ERN1: variants seen among roughly 807,000 people sequenced by gnomAD.
The protein encoded by ERN1 is endoplasmic reticulum to nucleus signaling 1.
Under a neutral mutation model 113.1 loss-of-function variants are expected in ERN1, and 39 were observed. That is an observed-to-expected ratio of 0.34 (90% CI 0.27 to 0.45). The LOEUF is 0.45. Among genes scored for constraint, ERN1 ranks in the 20% least tolerant of loss-of-function variants. ERN1 has a pLI of 1.00. For synonymous variants in ERN1, 507 were observed against 515.9 expected (o/e 0.98, Z 0.23); for missense variants, 976 against 1,274.8 (o/e 0.77, Z 3.57).
chr17:64,088,008 T>C (rs1417859221), intron 2 of ERN1, among the ~76,000 whole-genome samples: 2 of 152,184 alleles, frequency 1.3e-5, no homozygotes, highest in Non-Finnish European at 1.5e-5. Context: ...TAAATAATTG[T>C]TTCAAACCAG....
chr17:64,094,469 T>C (rs1567878130), intron 2 of ERN1, among the ~76,000 whole-genome samples: 2 of 152,210 alleles, frequency 1.3e-5, no homozygotes, highest in Non-Finnish European at 2.9e-5. Context: ...ACTATAAATT[T>C]TGTTTCAGTA....
Position 64,063,930 on chromosome 17 carries a change from C to T in ERN1, c.1087+56G>A. The T allele has an allele frequency of 3.2e-6, 5 of 1,569,192 alleles. No homozygotes were observed. The highest frequency in any genetic ancestry group is 4.4e-6 in the Non-Finnish European group (5 of 1,148,182). ...GTGTAACTACCAGGGCCGGCGGTCG[C>T]CCACCAGGAGGCAGCACGCTGTCAC... On this transcript the variant is annotated intron_variant, in intron 10 of 21. Transcript: ENST00000433197. This position sits in a 1 kb window ranked among gnomAD's most constrained non-coding sequence, Gnocchi z 5.1.
chr17:64,125,982 A>G (rs914227846), intron 1 of ERN1, among the ~76,000 whole-genome samples: 2 of 152,210 alleles, frequency 1.3e-5, no homozygotes, highest in Non-Finnish European at 2.9e-5. Context: ...AGCAAAGATT[A>G]TAAGATATTG....
At chr17:64,052,663 A>C (rs1342153443) in intron 17 of ERN1, 117 bp downstream of exon 17, 19 of 860,094 alleles carry the variant, frequency 2.2e-5, no homozygotes, top group South Asian at 2.1e-5. Context: ...GGTGAAAGGA[A>C]TGCCATTCTC....
At chr17:64,072,656 TC>T (rs1382600024) in intron 5 of ERN1, among the ~76,000 whole-genome samples, 1 of 152,262 alleles carries the variant, frequency 6.6e-6, no homozygotes, top group Non-Finnish European at 1.5e-5. Flanking sequence ...TGTCTCGGCC[TC>T]TGTTCCCAGC....
At chr17:64,118,784 T>C (rs540722807) in intron 1 of ERN1, among the ~76,000 whole-genome samples, 3 of 152,170 alleles carry the variant, frequency 2.0e-5, no homozygotes, top group Non-Finnish European at 4.4e-5. Flanking sequence ...GCACCTGCTA[T>C]AAAAACCCTT....
At chr17:64,122,373 A>G (rs1253754302) in intron 1 of ERN1, among the ~76,000 whole-genome samples, 1 of 152,122 alleles carries the variant, frequency 6.6e-6, no homozygotes, top group Non-Finnish European at 1.5e-5. Context: ...GATGTGCGCC[A>G]TATTTCTTAT....
At chr17:64,074,240 C>T (rs1372932417) in intron 5 of ERN1, among the ~76,000 whole-genome samples, 1 of 152,108 alleles carries the variant, frequency 6.6e-6, no homozygotes, top group African/African-American at 2.4e-5. Context: ...GCCTAAGAGG[C>T]CACAGCACAA....
Position 64,052,865 on chromosome 17 carries a change from T to C in ERN1, c.2168A>G (p.His723Arg). ...CACCCCAGATCGGCGGCTGAAACTG[T>C]GTCTGCCCACTGCCAGCTTCTTGCA... is the stretch of plus-strand genomic sequence containing the variant. ...GLCKKLAVGR[H>R]SFSRRSGVPG... Residue 723 changes from histidine (H) to arginine (R), a missense_variant, in exon 17 of 22, where the codon CAC becomes CGC. This residue lies in a region of ERN1 where 297 missense variants were observed against 457.8 expected (regional missense o/e 0.65). Coordinates refer to ENST00000433197, the MANE Select transcript of ERN1 (RefSeq NM_001433.5). 2 of 1,614,030 alleles carry C rather than the reference T, an allele frequency of 1.2e-6. No homozygotes were observed. The highest frequency in any genetic ancestry group is 1.7e-6 in the Non-Finnish European group (2 of 1,179,894).
At chr17:64,052,537 CA>C (rs5821416) in intron 17 of ERN1, among the ~76,000 whole-genome samples, 137,253 of 144,872 alleles carry the variant, frequency 0.95, 65,232 homozygotes, top group East Asian at 1. Flanking sequence ...ACCAACCAAA[CA>C]AAAAAAAAAA....
intron 4 of ERN1, among the ~76,000 whole-genome samples, chr17:64,079,417 G>T (rs951019501): frequency 6.6e-6 from 1 of 152,144 alleles, no homozygotes; most frequent in African/African-American, 2.4e-5. Flanking sequence ...TGTATGGGCT[G>T]GGCCATGAGA....
chr17:64,098,792 C>T (rs1005925602), intron 1 of ERN1, among the ~76,000 whole-genome samples: 7 of 151,832 alleles, frequency 4.6e-5, no homozygotes, highest in Non-Finnish European at 1.0e-4. Context: ...AAGCATAACC[C>T]CAAACTGGTC....
rs1912412506 is a variant in ERN1 at position 64,043,716 on chromosome 17, C to G, written c.*272G>C. The G allele has an allele frequency of 5.6e-6, 2 of 358,938 alleles. No homozygotes were observed. Among genetic ancestry groups the G allele is most frequent in the Non-Finnish European group, 1.0e-5 (2 of 200,436 alleles). The allele number at this position is 358,938 out of a possible 1,614,324, so 22.2% of individuals were successfully genotyped here. The stretch of plus-strand genomic sequence containing the variant: ...ATCCAGTAGATGGCTGGGGGTGCTA[C>G]TCGCGCTGTCTCTGAGGCCCTCCTT... On this transcript the variant is annotated 3_prime_UTR_variant, in exon 22 of 22. Coordinates refer to ENST00000433197, the MANE Select transcript of ERN1 (RefSeq NM_001433.5).
At chr17:64,076,822 G>C (rs912106290) in intron 4 of ERN1, among the ~76,000 whole-genome samples, 1 of 152,050 alleles carries the variant, frequency 6.6e-6, no homozygotes, top group African/African-American at 2.4e-5. Flanking sequence ...GGATGGTCTC[G>C]ATCTCCTGAC....
intron 7 of ERN1, 180 bp downstream of exon 7, chr17:64,068,010 C>T: frequency 1.8e-6 from 1 of 549,558 alleles, no homozygotes; most frequent in Non-Finnish European, 3.3e-6. Context: ...CAGACTTCAC[C>T]AAGGCCCCTG....
chr17:64,061,852 T>C (rs190815158), intron 10 of ERN1, among the ~76,000 whole-genome samples: 5 of 152,372 alleles, frequency 3.3e-5, no homozygotes, highest in Non-Finnish European at 5.9e-5. Flanking sequence ...AGCAGTGTCC[T>C]GCCCTTCCCA....
At chr17:64,129,905 C>T (rs1208008552) in intron 1 of ERN1, 71 bp downstream of exon 1, 7 of 1,295,318 alleles carry the variant, frequency 5.4e-6, no homozygotes, top group Non-Finnish European at 6.9e-6. Context: ...AGCCCCGGCG[C>T]CGCGACGCTG....
chr17:64,109,116 C>T (rs1043814846), intron 1 of ERN1, among the ~76,000 whole-genome samples: 2 of 151,468 alleles, frequency 1.3e-5, no homozygotes, highest in African/African-American at 4.9e-5. Flanking sequence ...AAGAGGGAAA[C>T]TCCATCTCAA....
Position 64,075,255 on chromosome 17 carries a change from A to AAG in ERN1, c.283-9_283-8insCT, listed in dbSNP as rs1391867097. ...GATGGTAAAAGGAAGTTTCTTTAAA[A>AAG]AAAAAAAAAAAGAAAAAAAAAAGTT... On this transcript the variant is annotated splice_polypyrimidine_tract_variant and intron_variant, in intron 4 of 21. Coordinates refer to ENST00000433197, the MANE Select transcript of ERN1 (RefSeq NM_001433.5). The AAG allele has an allele frequency of 1.3e-6, 2 of 1,491,234 alleles. No homozygotes were observed. The highest frequency in any genetic ancestry group is 8.9e-7 in the Non-Finnish European group (1 of 1,127,996). 92.4% of individuals were successfully genotyped at this position (1,491,234 alleles called of 1,614,324 possible). A position where few individuals can be genotyped will look rare whatever the true frequency, so the allele number is the denominator to read the frequency against.
Sources: gnomAD v4.1 joint callset for allele counts (sites outside exome capture counted in the v4.1 genomes callset) on GRCh38, gnomAD v4.1.1 for gene constraint, gnomAD v4.1.1 regional missense constraint, Gnocchi (gnomAD v3.1) non-coding constraint, MANE v1.5 for transcripts, NCBI Gene and HGNC (gene_info 2026-07-23, HGNC 2026-07-21) for gene names.